Variants in ANKRD36C observed in about 807,000 individuals in gnomAD.
The protein encoded by ANKRD36C is ankyrin repeat domain-containing protein 36C.
Under a neutral mutation model 276.4 loss-of-function variants are expected in ANKRD36C, and 61 were observed. That is an observed-to-expected ratio of 0.22 (90% CI 0.18 to 0.27). The LOEUF (loss-of-function observed/expected upper bound fraction) is 0.27. Among genes scored for constraint, ANKRD36C ranks in the 10% least tolerant of loss-of-function variants. The pLI, the probability that ANKRD36C is intolerant of heterozygous loss-of-function variation, is 1.00. For synonymous variants in ANKRD36C, 483 were observed against 680.1 expected (o/e 0.71, Z 4.51); for missense variants, 1,447 against 2,032.3 (o/e 0.71, Z 5.54).
chr2:95,977,877 A>C (rs1480824366), intron 6 of ANKRD36C, among the ~76,000 whole-genome samples: 5 of 152,090 alleles, frequency 3.3e-5, no homozygotes, highest in Non-Finnish European at 7.4e-5. Context: ...TTATTTACAC[A>C]AAAAGATCAT....
At chr2:95,871,421 T>A (rs1319023098) in intron 59 of ANKRD36C, among the ~76,000 whole-genome samples, 2 of 151,854 alleles carry the variant, frequency 1.3e-5, no homozygotes, top group Admixed American at 6.6e-5. Flanking sequence ...AAACTAAGCT[T>A]CATAAGTGAA....
chr2:95,968,069 G>A (rs1399505646), intron 6 of ANKRD36C, among the ~76,000 whole-genome samples: 2 of 152,048 alleles, frequency 1.3e-5, no homozygotes, highest in African/African-American at 4.8e-5. Context: ...TCCAGCCAGG[G>A]TGACAAAGTG....
At chr2:95,961,052 A>G in intron 8 of ANKRD36C, among the ~76,000 whole-genome samples, 2 of 133,770 alleles carry the variant, frequency 1.5e-5, no homozygotes, top group South Asian at 4.8e-4. Flanking sequence ...TTCATGTAAC[A>G]CATCAGAGGG....
At chr2:95,851,816 C>G (rs1410608235) in intron 65 of ANKRD36C, 29 bp from the exon 86 acceptor site, 6 of 1,515,542 alleles carry the variant, frequency 4.0e-6, no homozygotes, top group Admixed American at 4.1e-5. Context: ...AATAATTACT[C>G]TCACACATAA....
intron 61 of ANKRD36C, among the ~76,000 whole-genome samples, chr2:95,858,252 T>C (rs930987686): frequency 6.6e-6 from 1 of 152,186 alleles, no homozygotes; most frequent in African/African-American, 2.4e-5. Flanking sequence ...TCTTCAAATA[T>C]CTTACAGAGT....
chr2:95,986,019 A>G (rs1679019695), intron 3 of ANKRD36C, among the ~76,000 whole-genome samples: 1 of 151,996 alleles, frequency 6.6e-6, no homozygotes, highest in Admixed American at 6.5e-5. Flanking sequence ...ACCACTATTC[A>G]CTGCCAACCT....
At chr2:95,953,577 T>A (rs1678254018) in intron 14 of ANKRD36C, among the ~76,000 whole-genome samples, 1 of 152,140 alleles carries the variant, frequency 6.6e-6, no homozygotes, top group Non-Finnish European at 1.5e-5. Flanking sequence ...AGAGGTATTA[T>A]TAGTCATACT....
chr2:95,931,585 T>C (rs1677570669), intron 24 of ANKRD36C, among the ~76,000 whole-genome samples: 1 of 149,930 alleles, frequency 6.7e-6, no homozygotes, highest in Non-Finnish European at 1.5e-5. Flanking sequence ...GAAACTTCTT[T>C]AACTACAATG....
chr2:95,857,246 A>G lies in ANKRD36C; in HGVS notation c.4080+63T>C. ...GCCTAAATAATGTACATTAAACAAA[A>G]GAGATGGTATAAGTAATATTAATAA... On this transcript the variant is annotated intron_variant, in intron 62 of 66. Transcript: ENST00000456556. 9 of 1,561,298 alleles carry G rather than the reference A, an allele frequency of 5.8e-6. No individual in the cohort carries two copies. The South Asian group carries it at 9.8e-5, about 17-fold the overall frequency.
exon 48 of ANKRD36C, chr2:95,889,842 C>G: frequency 6.2e-7 from 1 of 1,602,074 alleles, no homozygotes; most frequent in Non-Finnish European, 8.5e-7. Context: ...TGGCCATATT[C>G]GGAACAGAAT....
intron 50 of ANKRD36C, among the ~76,000 whole-genome samples, chr2:95,887,595 C>A (rs180842889): frequency 7.2e-5 from 11 of 151,778 alleles, no homozygotes; most frequent in Admixed American, 3.3e-4. Flanking sequence ...AAAATCTATA[C>A]TTCATGTCTT....
At chr2:95,868,171 T>G (rs999016311) in intron 59 of ANKRD36C, among the ~76,000 whole-genome samples, 1 of 152,170 alleles carries the variant, frequency 6.6e-6, no homozygotes, top group Non-Finnish European at 1.5e-5. Flanking sequence ...ATGCACATTT[T>G]CTAATTCAAG....
intron 26 of ANKRD36C, among the ~76,000 whole-genome samples, chr2:95,928,413 G>C (rs943997015): frequency 6.6e-6 from 1 of 151,402 alleles, no homozygotes; most frequent in Non-Finnish European, 1.5e-5. Flanking sequence ...GTAACAAAGA[G>C]GAGTAATGAG....
At chr2:95,886,346 T>C (rs1676202723) in intron 50 of ANKRD36C, 102 bp from the exon 71 acceptor site, 4 of 1,011,326 alleles carry the variant, frequency 4.0e-6, no homozygotes, top group South Asian at 1.7e-5. Flanking sequence ...TCTGCAGTTA[T>C]TAGTGTAGGC....
chr2:95,890,806 A>G (rs943419138), intron 46 of ANKRD36C, among the ~76,000 whole-genome samples: 3 of 151,552 alleles, frequency 2.0e-5, no homozygotes, highest in South Asian at 2.1e-4. Context: ...TTAGGAGTTA[A>G]TTAGAATTCA....
At position 95,917,985 on chromosome 2, in the gene ANKRD36C, G is replaced by C. The variant is rs1677153483; in HGVS notation, c.2274+29C>G. The C allele has an allele frequency of 1.1e-5, 17 of 1,599,110 alleles. No homozygotes were observed. The East Asian group carries it at 3.9e-4, about 37-fold the overall frequency. On this transcript the variant is annotated intron_variant, in intron 35 of 66. Coordinates refer to ENST00000456556, the Ensembl canonical transcript of ANKRD36C. The stretch of plus-strand genomic sequence containing the variant: ...ATAAATCAATGAAGTATGTGTCATA[G>C]AATACAATGTAAATGAGAGTTTAAT...
chr2:95,973,721 T>C (rs1200668820), intron 6 of ANKRD36C, among the ~76,000 whole-genome samples: 6 of 152,206 alleles, frequency 3.9e-5, no homozygotes, highest in South Asian at 2.1e-4. Context: ...TAAGGGCCAA[T>C]AGGACTTTAA....
chr2:95,908,353 A>G (rs1676806589), intron 42 of ANKRD36C, 149 bp downstream of exon 48: 2 of 685,172 alleles, frequency 2.9e-6, no homozygotes, highest in Non-Finnish European at 3.6e-6. Context: ...CAGCATCATC[A>G]TCACCCAAGA....
intron 48 of ANKRD36C, among the ~76,000 whole-genome samples, chr2:95,888,452 A>G (rs1001830960): frequency 6.6e-6 from 1 of 151,728 alleles, no homozygotes; most frequent in African/African-American, 2.4e-5. Context: ...ACACTTGAGA[A>G]TCAATGTCAA....
Sources: allele counts gnomAD v4.1 joint callset (sites outside exome capture counted in the v4.1 genomes callset), GRCh38; gene constraint gnomAD v4.1.1; transcripts MANE v1.5; gene names NCBI Gene and HGNC (gene_info 2026-07-23, HGNC 2026-07-21).